Variants in FLCN observed in about 807,000 individuals in gnomAD.
The protein encoded by FLCN is folliculin.
A neutral mutation model predicts 62.5 loss-of-function variants in FLCN; 22 were observed. The observed-to-expected ratio is 0.35, with a 90% CI of 0.25 to 0.50. The LOEUF is 0.50. Among genes scored for constraint, FLCN ranks in the 20% least tolerant of loss-of-function variants. FLCN has a pLI of 0.97. For synonymous variants in FLCN, 319 were observed against 310.0 expected (o/e 1.03, Z -0.30); for missense variants, 657 against 778.0 (o/e 0.84, Z 1.85).
intron 11 of FLCN, 137 bp from the exon 12 acceptor site, chr17:17,215,453 A>T: frequency 1.5e-6 from 2 of 1,325,716 alleles, no homozygotes; most frequent in African/African-American, 1.4e-5. Flanking sequence ...GCCCAAATCA[A>T]TGCTTTGGTA....
chr17:17,214,895 A>C, intron 13 of FLCN, 90 bp downstream of exon 13: 1 of 1,356,610 alleles, frequency 7.4e-7, no homozygotes, highest in South Asian at 1.2e-5. Context: ...CTCCTCCCTC[A>C]GTGGCCACGG....
intron 1 of FLCN, among the ~76,000 whole-genome samples, chr17:17,234,043 C>T (rs972019138): frequency 6.6e-6 from 1 of 151,570 alleles, no homozygotes; most frequent in Non-Finnish European, 1.5e-5. Flanking sequence ...CTTTCTTACT[C>T]TTGGTTATAA....
chr17:17,235,257 G>C (rs1354367183), intron 1 of FLCN, among the ~76,000 whole-genome samples: 2 of 152,110 alleles, frequency 1.3e-5, no homozygotes, highest in African/African-American at 4.8e-5. Context: ...TCCAGCCTGG[G>C]CAATAAGAGT....
At chr17:17,227,756 G>A in intron 4 of FLCN, 133 bp downstream of exon 4, 1 of 1,264,378 alleles carries the variant, frequency 7.9e-7, no homozygotes, top group Non-Finnish European at 1.1e-6. Context: ...GTCAGGATGA[G>A]CGGAAAGAAC....
rs1440757360 is a variant in FLCN at position 17,221,291 on chromosome 17, T to A, written c.871+246A>T. The A allele has an allele frequency of 1.9e-6, 3 of 1,549,038 alleles. No individual in the cohort carries two copies. In the East Asian group the frequency reaches 7.3e-5, roughly 38 times the overall value. On this transcript the variant is annotated intron_variant, in intron 8 of 13. Transcript: ENST00000285071. ...CAGTTCTCTCTACAGACAGCCCACC[T>A]GTGAATTTTCCCCACCTAGCTGGGG... is the stretch of plus-strand genomic sequence containing the variant.
intron 8 of FLCN, chr17:17,221,218 C>CCA: frequency 6.5e-7 from 1 of 1,528,424 alleles, no homozygotes; most frequent in Non-Finnish European, 8.8e-7. Context: ...GTCGACCAGG[C>CCA]CAAGCACTTG....
At chr17:17,222,927 G>T (rs999526956) in intron 6 of FLCN, 2 of 490,940 alleles carry the variant, frequency 4.1e-6, no homozygotes, top group Non-Finnish European at 7.6e-6. Flanking sequence ...GCACCCAGGG[G>T]GATTCTCGTG....
At position 17,225,979 on chromosome 17, in the gene FLCN, C is replaced by A. The variant is rs1320261287; in HGVS notation, c.396+197G>T. 3 of 742,026 alleles carry A rather than the reference C, an allele frequency of 4.0e-6. No individual in the cohort carries two copies. In the Admixed American group the frequency reaches 6.2e-5, roughly 15 times the overall value. The allele number at this position is 742,026 out of a possible 1,614,324, so 46.0% of individuals were successfully genotyped here. ...AGCTAGCACTCAATCAGAAAATGCT[C>A]AGCAAGTCCAACATGACTCCTCCCG... On this transcript the variant is annotated intron_variant, in intron 5 of 13. Transcript: ENST00000285071.
In FLCN at chr17:17,222,496, G is replaced by A. The variant is rs745645385; in HGVS notation, c.779+5C>T. The A allele has an allele frequency of 2.5e-5, 41 of 1,614,074 alleles. No homozygotes were observed. Among genetic ancestry groups the A allele is most frequent in the Non-Finnish European group, 2.7e-5 (32 of 1,180,030 alleles). On this transcript the variant is annotated splice_donor_5th_base_variant and intron_variant, in intron 7 of 13. Coordinates refer to ENST00000285071, the MANE Select transcript of FLCN (RefSeq NM_144997.7). Reference sequence around the variant, plus strand: ...AGATATGCCAAAAGCAGAGACGCCCGTTACCAGGCAAAGGAGGTGTGCAGG... The same window carrying A: ...AGATATGCCAAAAGCAGAGACGCCCATTACCAGGCAAAGGAGGTGTGCAGG...
rs2047300462 is a variant in FLCN, at chr17:17,227,877, A to G, written c.249+12T>C. The G allele has an allele frequency of 6.2e-7, 1 of 1,613,990 alleles. No individual in the cohort carries two copies. The highest frequency in any genetic ancestry group is 1.1e-5 in the South Asian group (1 of 91,084). On this transcript the variant is annotated intron_variant, in intron 4 of 13. Coordinates refer to ENST00000285071, the MANE Select transcript of FLCN (RefSeq NM_144997.7). ...GCAGGGATCACAAAACCAAGACCCC[A>G]AAGACACTTGCCTCGCACATGTCCG...
At chr17:17,232,440 C>T (rs759071809) in intron 2 of FLCN, among the ~76,000 whole-genome samples, 1 of 152,056 alleles carries the variant, frequency 6.6e-6, no homozygotes, top group African/African-American at 2.4e-5. Context: ...AAGAAAGGGG[C>T]GGAATCTAGG....
Position 17,222,606 on chromosome 17 carries a change from G to C in FLCN, c.674C>G (p.Ala225Gly). ...CCTCTGGTGTAGGAATGGCGTGAAGGCTGTGTTCATCCTCTGAGCACGCTG... is the reference window on the plus strand; with the variant it reads ...CCTCTGGTGTAGGAATGGCGTGAAGCCTGTGTTCATCCTCTGAGCACGCTG... ...CPQRAQRMNT[A>G]FTPFLHQRNG... The change falls in exon 7 of 14, where the codon GCC (alanine) becomes GGC (glycine). Residue 225 changes from alanine to glycine, a missense_variant. By Grantham distance (60) the Ala-to-Gly change is moderately conservative. Coordinates refer to ENST00000285071, the MANE Select transcript of FLCN (RefSeq NM_144997.7). 1 of 1,614,210 alleles carries C rather than the reference G, an allele frequency of 6.2e-7. No homozygotes were observed. Among genetic ancestry groups the C allele is most frequent in the Non-Finnish European group, 8.5e-7 (1 of 1,180,028 alleles).
intron 4 of FLCN, among the ~76,000 whole-genome samples, 169 bp downstream of exon 4, chr17:17,227,715 AAAAAC>A (rs930172027): frequency 1.3e-5 from 2 of 152,166 alleles, no homozygotes; most frequent in Admixed American, 6.5e-5. Flanking sequence ...CTGTCTCAAA[AAAAAC>A]AAAACAAAAC....
intron 6 of FLCN, 68 bp downstream of exon 6, chr17:17,223,854 C>A: frequency 1.3e-6 from 2 of 1,549,432 alleles, no homozygotes; most frequent in Non-Finnish European, 1.8e-6. Context: ...CAGGCCTCAA[C>A]CTCAGCACAG....
intron 11 of FLCN, 137 bp from the exon 12 acceptor site, chr17:17,215,453 A>C: frequency 5.3e-6 from 7 of 1,325,710 alleles, no homozygotes; most frequent in Non-Finnish European, 7.5e-6. Context: ...GCCCAAATCA[A>C]TGCTTTGGTA....
intron 2 of FLCN, among the ~76,000 whole-genome samples, chr17:17,232,111 T>C (rs984633114): frequency 1.3e-5 from 2 of 152,158 alleles, no homozygotes; most frequent in Non-Finnish European, 2.9e-5. Flanking sequence ...CCCTGAGAAC[T>C]CAGCAAAGAT....
At chr17:17,221,267 A>G (rs1256912166) in intron 8 of FLCN, 1 of 1,545,058 alleles carries the variant, frequency 6.5e-7, no homozygotes, top group African/African-American at 1.4e-5. Context: ...TTAATCAGCC[A>G]GTTCTCTCTA....
rs554190238 is a variant in FLCN, at chr17:17,213,311, G to C, written c.*344C>G. 2 of 481,082 alleles carry C rather than the reference G, an allele frequency of 4.2e-6. No individual in the cohort carries two copies. Among genetic ancestry groups the C allele is most frequent in the South Asian group, 4.4e-5 (2 of 45,506 alleles). The allele number at this position is 481,082 out of a possible 1,614,324, so 29.8% of individuals were successfully genotyped here. ...AGACATGTTATTGCGACTGCATACT[G>C]AGTCGGACCTGTTTCTCCTGCGGGT... On this transcript the variant is annotated 3_prime_UTR_variant, in exon 14 of 14. Coordinates refer to ENST00000285071, the MANE Select transcript of FLCN (RefSeq NM_144997.7).
rs765651374 is a variant in FLCN at position 17,215,169 on chromosome 17, G to A, written c.1432+16C>T. 1 of 1,613,956 alleles carries A rather than the reference G, an allele frequency of 6.2e-7. No homozygotes were observed. Among genetic ancestry groups the A allele is most frequent in the Non-Finnish European group, 8.5e-7 (1 of 1,180,010 alleles). On this transcript the variant is annotated intron_variant, in intron 12 of 13. Coordinates refer to ENST00000285071, the MANE Select transcript of FLCN (RefSeq NM_144997.7). ...CATCTTCTCACAAAAAGGACACTCT[G>A]CCTGGGGGCACCCACCTCGGTCTGC...
Sources: allele counts gnomAD v4.1 joint callset (sites outside exome capture counted in the v4.1 genomes callset), GRCh38; gene constraint gnomAD v4.1.1; transcripts MANE v1.5; gene names NCBI Gene and HGNC (gene_info 2026-07-23, HGNC 2026-07-21).